The following ERC1 variants were observed in gnomAD, a reference collection of about 807,000 sequenced individuals.
The protein encoded by ERC1 is ELKS/RAB6-interacting/CAST family member 1.
In ERC1, 56 loss-of-function variants were observed where a neutral mutation model predicts 132.0. That is an observed-to-expected ratio of 0.42 (90% CI 0.34 to 0.53). ERC1 has a LOEUF of 0.53. Among genes scored for constraint, ERC1 ranks in the 20% least tolerant of loss-of-function variants. The pLI is 0.03. For synonymous variants in ERC1, 478 were observed against 476.1 expected, an observed-to-expected ratio of 1.00 and a Z score of -0.05; for missense variants, 1,202 against 1,349.9, an observed-to-expected ratio of 0.89 and a Z score of 1.72.
chr12:1,115,857 C>T lies in ERC1; in HGVS notation c.1402-9C>T, dbSNP rs964262429. 2.6e-5 allele frequency: 42 copies of T among 1,610,082 alleles called. No homozygotes were observed. The highest frequency in any genetic ancestry group is 3.6e-5 in the Non-Finnish European group (42 of 1,178,222). On this transcript the variant is annotated splice_polypyrimidine_tract_variant and intron_variant, in intron 6 of 18. Transcript: ENST00000360905. Reference sequence around the variant, plus strand: ...CTTTTTTCCTTAAAGTGTTTTACTTCTTTTCTAGATTGGCCAGGTGAAACA... The same window carrying T: ...CTTTTTTCCTTAAAGTGTTTTACTTTTTTTCTAGATTGGCCAGGTGAAACA...
At chr12:1,119,458 G>T (rs563911918) in intron 7 of ERC1, among the ~76,000 whole-genome samples, 4 of 151,576 alleles carry the variant, frequency 2.6e-5, no homozygotes, top group African/African-American at 9.7e-5. Flanking sequence ...TTGAAAACCA[G>T]CCCTCTACCT....
At chr12:1,072,710 T>C (rs1271503166) in intron 2 of ERC1, among the ~76,000 whole-genome samples, 1 of 152,188 alleles carries the variant, frequency 6.6e-6, no homozygotes, top group African/African-American at 2.4e-5. Flanking sequence ...CTTTTATTTT[T>C]GAGACAGAGT....
chr12:1,168,379 C>T (rs1352800065), intron 8 of ERC1, among the ~76,000 whole-genome samples: 2 of 151,858 alleles, frequency 1.3e-5, no homozygotes, highest in African/African-American at 4.8e-5. Context: ...CCGCGTCAGC[C>T]TTATGAAGTG....
At chr12:1,253,176 G>T (rs531888278) in intron 13 of ERC1, among the ~76,000 whole-genome samples, 3 of 152,288 alleles carry the variant, frequency 2.0e-5, no homozygotes, top group Admixed American at 2.0e-4. Flanking sequence ...GATAATCTTT[G>T]TGAAATCTGA....
chr12:1,240,426 T>C (rs2075716013), intron 13 of ERC1, among the ~76,000 whole-genome samples: 2 of 152,220 alleles, frequency 1.3e-5, no homozygotes, highest in African/African-American at 2.4e-5. Context: ...GAAACTTTCG[T>C]ATCTGTAAAA....
intron 14 of ERC1, among the ~76,000 whole-genome samples, chr12:1,289,084 T>TATACAC (rs374803481): frequency 9.7e-6 from 1 of 102,880 alleles, no homozygotes; most frequent in African/African-American, 3.7e-5. Context: ...ATCTGGTATG[T>TATACAC]ACACACACAC....
intron 14 of ERC1, among the ~76,000 whole-genome samples, chr12:1,279,308 T>C (rs963449166): frequency 2.6e-5 from 4 of 152,156 alleles, no homozygotes; most frequent in Non-Finnish European, 5.9e-5. Flanking sequence ...CATGACATAG[T>C]ATGACCAAAA....
At chr12:1,310,209 T>TTTTTA (rs71055144) in intron 15 of ERC1, among the ~76,000 whole-genome samples, 5,815 of 151,260 alleles carry the variant, frequency 0.038, 224 homozygotes, top group Admixed American at 0.12. Flanking sequence ...AAACAGTTCT[T>TTTTTA]TTTTATTTTA....
chr12:1,216,576 C>G (rs1303260465), intron 12 of ERC1, among the ~76,000 whole-genome samples: 1 of 112,308 alleles, frequency 8.9e-6, no homozygotes, highest in Non-Finnish European at 1.7e-5. Context: ...TCACAACTTT[C>G]ATCATTGACA....
chr12:1,312,180 C>T lies in ERC1; in HGVS notation c.2780+22168C>T, dbSNP rs566767742. On this transcript the variant is annotated intron_variant, in intron 15 of 18. Coordinates refer to ENST00000360905, the MANE Select transcript of ERC1 (RefSeq NM_178040.4). ...CTCTGTGTAATCAGTGGTATGATCA[C>T]ATACCCCATATTGACTTTTTCTTTT... is the stretch of plus-strand genomic sequence containing the variant. 2.6e-5 allele frequency among the ~76,000 whole-genome samples: 4 copies of T among 152,250 alleles called. No individual in the cohort carries two copies. In the South Asian group the frequency reaches 8.3e-4, roughly 32 times the overall value.
At chr12:1,337,106 G>T (rs1193570367) in intron 15 of ERC1, among the ~76,000 whole-genome samples, 5 of 152,138 alleles carry the variant, frequency 3.3e-5, no homozygotes, top group Non-Finnish European at 5.9e-5. Flanking sequence ...ATGAGCCACT[G>T]CTCCTGGCCT....
At chr12:1,033,845 G>C (rs573895417) in intron 2 of ERC1, among the ~76,000 whole-genome samples, 2 of 152,182 alleles carry the variant, frequency 1.3e-5, no homozygotes, top group African/African-American at 4.8e-5. Context: ...GGCCAGGCTG[G>C]TCTCGAACTC....
chr12:1,222,965 A>G lies in ERC1; in HGVS notation c.2352-13804A>G, dbSNP rs369758089. ...GTAATTCCATTGTTTTAGAGCTTCA[A>G]ACAAACTGTATTTTCCCTCAGAGTT... On this transcript the variant is annotated intron_variant, in intron 12 of 18. Coordinates refer to ENST00000360905, the MANE Select transcript of ERC1 (RefSeq NM_178040.4). Among the ~76,000 whole-genome samples, 44 of 152,338 alleles carry G rather than the reference A, an allele frequency of 2.9e-4. 1 individual carries two copies. Among genetic ancestry groups the G allele is most frequent in the Admixed American group, 2.5e-3 (38 of 15,296 alleles).
chr12:1,236,015 C>T (rs1188237304), intron 12 of ERC1, among the ~76,000 whole-genome samples: 1 of 151,814 alleles, frequency 6.6e-6, no homozygotes, highest in Non-Finnish European at 1.5e-5. Flanking sequence ...GTCTAAGTCT[C>T]GAAACCTATT....
chr12:1,136,048 C>G (rs759045062), intron 7 of ERC1, among the ~76,000 whole-genome samples: 8 of 152,194 alleles, frequency 5.3e-5, no homozygotes, highest in Non-Finnish European at 1.2e-4. Context: ...TTCTTATTCT[C>G]TCTCGAAGCT....
At chr12:1,274,091 G>A (rs943835418) in intron 14 of ERC1, among the ~76,000 whole-genome samples, 1 of 152,150 alleles carries the variant, frequency 6.6e-6, no homozygotes, top group Non-Finnish European at 1.5e-5. Context: ...AAGTTATGAC[G>A]TGAGTGATGG....
intron 14 of ERC1, among the ~76,000 whole-genome samples, chr12:1,271,519 A>G (rs2077851674): frequency 2.6e-5 from 4 of 152,206 alleles, no homozygotes; most frequent in Admixed American, 1.3e-4. Flanking sequence ...TGTTAGCTAC[A>G]TTATCGTCAG....
chr12:1,083,243 G>C lies in ERC1; in HGVS notation c.749G>C (p.Ser250Thr), dbSNP rs891228800. 1 of 1,614,208 alleles carries C rather than the reference G, an allele frequency of 6.2e-7. No homozygotes were observed. The highest frequency in any genetic ancestry group is 1.3e-5 in the African/African-American group (1 of 75,064). ...CTGAATCAGCTGTTTCAGCAGGATA[G>C]TAGCAGCAGGACTGGCGAACCTTGT... The part of the protein sequence containing the change: ...RDLNQLFQQD[S>T]SSRTGEPCVA... Residue 250 changes from serine (S) to threonine (T), a missense_variant, in exon 3 of 19, where the codon AGT becomes ACT. Ser to Thr is a moderately conservative substitution (Grantham distance 58, BLOSUM62 1). Coordinates refer to ENST00000360905, the MANE Select transcript of ERC1 (RefSeq NM_178040.4).
chr12:1,050,330 G>A (rs1366092852), intron 2 of ERC1, among the ~76,000 whole-genome samples: 1 of 152,190 alleles, frequency 6.6e-6, no homozygotes, highest in Non-Finnish European at 1.5e-5. Flanking sequence ...GTAGCAAACA[G>A]GATAGAATGA....
Sources: allele counts gnomAD v4.1 joint callset (sites outside exome capture counted in the v4.1 genomes callset), GRCh38; gene constraint gnomAD v4.1.1; transcripts MANE v1.5; gene names NCBI Gene and HGNC (gene_info 2026-07-23, HGNC 2026-07-21).